CIITA: variants seen among roughly 807,000 people sequenced by gnomAD.
CIITA encodes the protein class II major histocompatibility complex transactivator.
Under a neutral mutation model 115.1 loss-of-function variants are expected in CIITA, and 72 were observed. That is an observed-to-expected ratio of 0.63 (90% CI 0.52 to 0.76). The LOEUF (loss-of-function observed/expected upper bound fraction) is 0.76. Ranked by LOEUF, CIITA falls within the 30% of genes least tolerant of loss-of-function variation. The pLI is 0.00. For missense variants in CIITA, 1,617 were observed against 1,463.8 expected, an observed-to-expected ratio of 1.10 and a Z score of -1.71; for synonymous variants, 763 against 635.6, an observed-to-expected ratio of 1.20 and a Z score of -3.02.
At chr16:10,910,882 G>A (rs912400027) in intron 13 of CIITA, among the ~76,000 whole-genome samples, 4 of 152,252 alleles carry the variant, frequency 2.6e-5, no homozygotes, top group Non-Finnish European at 2.9e-5. Flanking sequence ...ATTCCCAGGA[G>A]CTTTTGATGT....
At chr16:10,877,980 T>C (rs2036003656) in intron 1 of CIITA, among the ~76,000 whole-genome samples, 1 of 152,196 alleles carries the variant, frequency 6.6e-6, no homozygotes, top group African/African-American at 2.4e-5. Flanking sequence ...AGCTACACCG[T>C]TGGCTGGGAA....
chr16:10,904,210 T>A (rs973803670), intron 9 of CIITA, among the ~76,000 whole-genome samples: 1 of 152,190 alleles, frequency 6.6e-6, no homozygotes, highest in Admixed American at 6.5e-5. Flanking sequence ...TGTGATTTTT[T>A]AATTTTTATT....
rs2040573992 is a variant in CIITA at position 10,927,365 on chromosome 16, T to C, written c.*3510T>C. ...CAGGAGGGCGGGAAACATCTCGCTTTGTACACTGCTGTGCCCTCTGTACCC... is the reference window on the plus strand; with the variant it reads ...CAGGAGGGCGGGAAACATCTCGCTTCGTACACTGCTGTGCCCTCTGTACCC... On this transcript the variant is annotated 3_prime_UTR_variant, in exon 20 of 20. Transcript: ENST00000324288. The C allele has an allele frequency of 6.6e-6, 1 of 152,250 alleles. No homozygotes were observed. The highest frequency in any genetic ancestry group is 1.5e-5 in the Non-Finnish European group (1 of 68,056). The allele number at this position is 152,250 out of a possible 1,614,324, so 9.4% of individuals were successfully genotyped here.
rs1270872910 is a variant in CIITA at position 10,923,489 on chromosome 16, G to C, written c.*22+164G>C. On this transcript the variant is annotated intron_variant, in intron 19 of 19. Coordinates refer to ENST00000324288, the MANE Select transcript of CIITA (RefSeq NM_000246.4). This position sits in a 1 kb window ranked among gnomAD's most constrained non-coding sequence, Gnocchi z 5.2. ...TCCCCTCATCTCCACCCTGGGCTCG[G>C]TGGAGCTGTCCTCCAGGCTTTGCGA... 6.6e-6 allele frequency among the ~76,000 whole-genome samples: 1 copy of C among 152,146 alleles called. No individual in the cohort carries two copies.
At chr16:10,915,547 T>TA in intron 13 of CIITA, 23 bp from the exon 14 acceptor site, 1 of 1,598,992 alleles carries the variant, frequency 6.3e-7, no homozygotes, top group East Asian at 2.2e-5. Flanking sequence ...CTGGAGGTCT[T>TA]ACCCTTGCTC....
chr16:10,872,378 T>C (rs1047308890), upstream of CIITA, among the ~76,000 whole-genome samples: 2 of 152,186 alleles, frequency 1.3e-5, no homozygotes, highest in African/African-American at 2.4e-5. Flanking sequence ...CCATCTCAGC[T>C]TCCCAAAATG....
In CIITA at chr16:10,879,036, A is replaced by T. The variant is rs1310876329; in HGVS notation, c.52+1654A>T. 1.4e-5 allele frequency: 3 copies of T among 215,964 alleles called. No individual in the cohort carries two copies. The highest frequency in any genetic ancestry group is 6.8e-5 in the African/African-American group (3 of 44,246). The allele number at this position is 215,964 out of a possible 1,614,324, so 13.4% of individuals were successfully genotyped here. On this transcript the variant is annotated intron_variant, in intron 1 of 19. Coordinates refer to ENST00000324288, the MANE Select transcript of CIITA (RefSeq NM_000246.4). This position sits in a 1 kb window ranked among gnomAD's most constrained non-coding sequence, Gnocchi z 4.3. The stretch of plus-strand genomic sequence containing the variant: ...CAGCAGCGCGCGCGGGAGCCCGGGG[A>T]ACAGCGGTAGGTGACCAAAGTCTCC...
chr16:10,925,211 G>C lies in CIITA; in HGVS notation c.*1356G>C, dbSNP rs888106879. On this transcript the variant is annotated 3_prime_UTR_variant, in exon 20 of 20. Transcript: ENST00000324288. ...GCTAGTTGGGCTTCCTCATAGTATG[G>C]TGGCTGGGTTGGAGGGTGTCCCAAA... is the stretch of plus-strand genomic sequence containing the variant. 6.6e-6 allele frequency: 1 copy of C among 152,288 alleles called. No homozygotes were observed. Among genetic ancestry groups the C allele is most frequent in the Admixed American group, 6.5e-5 (1 of 15,292 alleles). 9.4% of individuals were successfully genotyped at this position (152,288 alleles called of 1,614,324 possible).
chr16:10,900,250 T>A (rs2038584203), intron 5 of CIITA, among the ~76,000 whole-genome samples: 1 of 152,230 alleles, frequency 6.6e-6, no homozygotes, highest in Admixed American at 6.5e-5. Context: ...TCCATGCAAA[T>A]GACCACATTT....
At chr16:10,917,186 CT>C (rs1024413165) in intron 15 of CIITA, among the ~76,000 whole-genome samples, 15 of 151,938 alleles carry the variant, frequency 9.9e-5, no homozygotes, top group African/African-American at 3.4e-4. Flanking sequence ...GATTTTTTTT[CT>C]TTTTTTCAGA....
downstream of CIITA, chr16:10,937,169 G>A (rs1434209875): frequency 1.3e-5 from 2 of 152,278 alleles, no homozygotes; most frequent in East Asian, 3.8e-4. The surrounding 1 kb of genome is among the most constrained non-coding windows in gnomAD (Gnocchi z 4.2). Context: ...GGACCTTCTG[G>A]GTGAGCCTCA....
In CIITA at chr16:10,901,580, G is replaced by C. The variant is rs1336257811; in HGVS notation, c.481+22G>C. On this transcript the variant is annotated intron_variant, in intron 6 of 19. Coordinates refer to ENST00000324288, the MANE Select transcript of CIITA (RefSeq NM_000246.4). The surrounding 1 kb of genome is among the most constrained non-coding windows in gnomAD (Gnocchi z 6.8). ...CCAGGTGTGCAGGGCAGGTGGGCTG[G>C]GGTTGGGAAGGGTGGATGCCTTGGG... is the stretch of plus-strand genomic sequence containing the variant. 5.0e-6 allele frequency: 8 copies of C among 1,612,730 alleles called. No homozygotes were observed. Among genetic ancestry groups the C allele is most frequent in the East Asian group, 2.2e-5 (1 of 44,864 alleles).
intron 13 of CIITA, among the ~76,000 whole-genome samples, chr16:10,911,381 T>TC (rs1491182052): frequency 2.3e-5 from 2 of 88,684 alleles, no homozygotes; most frequent in Admixed American, 9.3e-5. Flanking sequence ...TTTCTTTCTT[T>TC]CTCTCTCTCT....
intron 14 of CIITA, 132 bp from the exon 15 acceptor site, chr16:10,916,235 G>T (rs1172688720): frequency 2.5e-6 from 2 of 800,470 alleles, no homozygotes; most frequent in South Asian, 1.5e-5. Flanking sequence ...GAATGTGCCG[G>T]CTGCCTATGG....
intron 1 of CIITA, among the ~76,000 whole-genome samples, chr16:10,893,509 A>G (rs749201020): frequency 3.9e-5 from 6 of 152,150 alleles, no homozygotes; most frequent in Non-Finnish European, 7.3e-5. Context: ...TGTAATTCAC[A>G]TATACAATTT....
chr16:10,866,969 G>A (rs1052902453), intron 1 of CIITA, among the ~76,000 whole-genome samples: 9 of 152,164 alleles, frequency 5.9e-5, no homozygotes, highest in South Asian at 2.1e-4. Context: ...AATGGGGCCG[G>A]GTGCACTGGC....
chr16:10,880,703 A>G (rs1415011331), intron 1 of CIITA, among the ~76,000 whole-genome samples: 4 of 152,206 alleles, frequency 2.6e-5, no homozygotes, highest in Non-Finnish European at 5.9e-5. Context: ...TGAGAAGAGC[A>G]GAATCAGAAA....
At position 10,902,649 on chromosome 16, in the gene CIITA, C is replaced by T. The variant is rs372749477; in HGVS notation, c.629-9C>T. ...CAAGATCCCACCTCACTGCCTTTGT[C>T]TCTTGCAGTGCCTTTCTCCAGTTCC... On this transcript the variant is annotated splice_polypyrimidine_tract_variant and intron_variant, in intron 7 of 19. Coordinates refer to ENST00000324288, the MANE Select transcript of CIITA (RefSeq NM_000246.4). The T allele has an allele frequency of 2.5e-5, 41 of 1,614,232 alleles. No homozygotes were observed. In the African/African-American group the frequency reaches 5.1e-4, roughly 20 times the overall value.
At chr16:10,900,657 T>G (rs1338507357) in intron 5 of CIITA, among the ~76,000 whole-genome samples, 2 of 151,998 alleles carry the variant, frequency 1.3e-5, no homozygotes, top group Admixed American at 1.3e-4. Context: ...GGAGAATCGC[T>G]TGAACCTAAG....
Sources: gnomAD v4.1 joint callset for allele counts (sites outside exome capture counted in the v4.1 genomes callset) on GRCh38, gnomAD v4.1.1 for gene constraint, Gnocchi (gnomAD v3.1) non-coding constraint, MANE v1.5 for transcripts, NCBI Gene and HGNC (gene_info 2026-07-23, HGNC 2026-07-21) for gene names.